IL1RAPL1: variants seen among roughly 807,000 people sequenced by gnomAD.
The protein encoded by IL1RAPL1 is interleukin-1 receptor accessory protein-like 1.
A neutral mutation model predicts 48.4 loss-of-function variants in IL1RAPL1; 3 were observed. The observed-to-expected ratio is 0.06, with a 90% confidence interval of 0.03 to 0.16. IL1RAPL1 has a LOEUF of 0.16. IL1RAPL1 is among the 10% of genes least tolerant of loss of function. The probability of loss-of-function intolerance (pLI) is 1.00; values close to 1 mark genes in which losing one functional copy is unlikely to be tolerated. For synonymous variants in IL1RAPL1, 185 were observed against 187.7 expected (o/e 0.99, Z 0.12); for missense variants, 349 against 530.6 (o/e 0.66, Z 3.36).
In IL1RAPL1 at chrX:29,298,631, G is replaced by C. The variant is rs141426635; in HGVS notation, c.362+15414G>C. 6.6e-4 allele frequency among the ~76,000 whole-genome samples: 74 copies of C among 111,526 alleles called. No individual in the cohort carries two copies. In the East Asian group the frequency reaches 0.017, roughly 26 times the overall value. On this transcript the variant is annotated intron_variant, in intron 3 of 10. Transcript: ENST00000378993. ...ACTTAGGGTGCCAAACAAAGGGATAGTCTAAAATATTACTTTGAAAACTCA... is the reference window on the plus strand; with the variant it reads ...ACTTAGGGTGCCAAACAAAGGGATACTCTAAAATATTACTTTGAAAACTCA...
At chrX:29,834,375 A>G (rs1364773868) in intron 6 of IL1RAPL1, among the ~76,000 whole-genome samples, 1 of 111,831 alleles carries the variant, frequency 8.9e-6, no homozygotes, top group East Asian at 2.8e-4. Context: ...GTGCAACAGC[A>G]CAGTTGACAC....
chrX:29,925,412 GTTTTTTTTTT>G (rs763481708), intron 8 of IL1RAPL1, among the ~76,000 whole-genome samples: 154 of 11,399 alleles, frequency 0.014, 1 homozygote, highest in African/African-American at 0.052. Flanking sequence ...TCCCGTAACT[GTTTTTTTTTT>G]TTTTTTTTTT....
At chrX:29,144,032 C>T (rs1929296921) in intron 2 of IL1RAPL1, among the ~76,000 whole-genome samples, 1 of 111,451 alleles carries the variant, frequency 9.0e-6, no homozygotes, top group African/African-American at 3.3e-5. Flanking sequence ...GGCACTTAAC[C>T]TTCATTGTGT....
intron 1 of IL1RAPL1, among the ~76,000 whole-genome samples, chrX:28,737,532 A>G (rs1935858419): frequency 9.0e-6 from 1 of 111,124 alleles, no homozygotes; most frequent in Admixed American, 9.7e-5. Context: ...TATTGGGATT[A>G]CAGGCATGAG....
intron 2 of IL1RAPL1, among the ~76,000 whole-genome samples, chrX:28,990,823 A>G (rs1925586058): frequency 8.9e-6 from 1 of 111,790 alleles, no homozygotes; most frequent in Non-Finnish European, 1.9e-5. Context: ...TACTGCTTTC[A>G]TATAAACTCT....
chrX:28,911,039 A>T (rs867544488), intron 2 of IL1RAPL1, among the ~76,000 whole-genome samples: 2 of 111,444 alleles, frequency 1.8e-5, no homozygotes, highest in South Asian at 3.7e-4. Context: ...TAGCAAAGAA[A>T]ATGCAAATAT....
At chrX:29,520,709 C>CTTA (rs201514662) in intron 5 of IL1RAPL1, among the ~76,000 whole-genome samples, 15 of 110,868 alleles carry the variant, frequency 1.4e-4, no homozygotes, top group South Asian at 3.8e-4. Flanking sequence ...TAACAAAAGG[C>CTTA]TTATTATTAT....
At chrX:29,425,890 G>A (rs1602229151) in intron 5 of IL1RAPL1, among the ~76,000 whole-genome samples, 1 of 111,459 alleles carries the variant, frequency 9.0e-6, no homozygotes, top group African/African-American at 3.3e-5. Flanking sequence ...TAGCTTTTAA[G>A]AGCAACCCTG....
chrX:29,799,695 C>T (rs1929829848), intron 6 of IL1RAPL1, among the ~76,000 whole-genome samples: 1 of 112,166 alleles, frequency 8.9e-6, no homozygotes, highest in African/African-American at 3.2e-5. Context: ...TAGTGGCTAC[C>T]ATAGTGGACA....
chrX:29,523,391 T>C (rs1221538588), intron 5 of IL1RAPL1, among the ~76,000 whole-genome samples: 1 of 111,789 alleles, frequency 8.9e-6, no homozygotes, highest in African/African-American at 3.2e-5. Flanking sequence ...CTGAAAAATA[T>C]ATGAGAAAGT....
At position 29,604,285 on chromosome X, in the gene IL1RAPL1, A is replaced by T. The variant is rs987146931; in HGVS notation, c.704-64145A>T. Reference sequence around the variant, plus strand: ...TGGGTGAGGATCAGGATCAATCTATATATGAAATATTAGCAAAACTTTGAA... The same window carrying T: ...TGGGTGAGGATCAGGATCAATCTATTTATGAAATATTAGCAAAACTTTGAA... On this transcript the variant is annotated intron_variant, in intron 5 of 10. Coordinates refer to ENST00000378993, the MANE Select transcript of IL1RAPL1 (RefSeq NM_014271.4). 5.4e-5 allele frequency among the ~76,000 whole-genome samples: 6 copies of T among 112,129 alleles called. No individual in the cohort carries two copies. In the Admixed American group the frequency reaches 5.7e-4, roughly 11 times the overall value.
intron 5 of IL1RAPL1, among the ~76,000 whole-genome samples, chrX:29,539,378 C>G (rs1921356391): frequency 9.0e-6 from 1 of 111,283 alleles, no homozygotes; most frequent in Non-Finnish European, 1.9e-5. Context: ...CGTTAAAAAC[C>G]CTCAAGAAAC....
chrX:28,706,634 G>A (rs1033550180), intron 1 of IL1RAPL1, among the ~76,000 whole-genome samples: 4 of 111,002 alleles, frequency 3.6e-5, no homozygotes, highest in African/African-American at 9.8e-5. Flanking sequence ...GGCTGGTCTC[G>A]GACTCCTGAC....
chrX:29,458,583 C>T (rs1001750420), intron 5 of IL1RAPL1, among the ~76,000 whole-genome samples: 7 of 111,827 alleles, frequency 6.3e-5, no homozygotes, highest in African/African-American at 9.8e-5. Flanking sequence ...TAAAAGTAAT[C>T]GCATAAAACT....
intron 2 of IL1RAPL1, among the ~76,000 whole-genome samples, chrX:29,012,918 A>G (rs1428454083): frequency 2.7e-5 from 3 of 111,828 alleles, no homozygotes; most frequent in Non-Finnish European, 5.6e-5. Flanking sequence ...ACAAGAGAAG[A>G]GCTTTCAATG....
intron 2 of IL1RAPL1, among the ~76,000 whole-genome samples, chrX:28,816,684 A>G (rs1303306818): frequency 1.8e-5 from 2 of 111,234 alleles, no homozygotes; most frequent in South Asian, 3.8e-4. Flanking sequence ...GCTATAATGA[A>G]TAGTGCTGCA....
intron 1 of IL1RAPL1, among the ~76,000 whole-genome samples, chrX:28,670,191 C>CTGTGTGTG (rs745583846): frequency 8.9e-6 from 1 of 111,819 alleles, no homozygotes; most frequent in East Asian, 2.8e-4. Context: ...AAAGACAAGA[C>CTGTGTGTG]TGTGTCTTAA....
At chrX:29,771,909 G>C (rs1050944382) in intron 6 of IL1RAPL1, among the ~76,000 whole-genome samples, 20 of 111,282 alleles carry the variant, frequency 1.8e-4, no homozygotes, top group African/African-American at 6.5e-4. Context: ...GCAAGAGGAC[G>C]TCTTACATGG....
At chrX:29,032,820 G>C (rs887653836) in intron 2 of IL1RAPL1, among the ~76,000 whole-genome samples, 1 of 112,285 alleles carries the variant, frequency 8.9e-6, no homozygotes, top group Non-Finnish European at 1.9e-5. Flanking sequence ...TTTGAATTGC[G>C]GGTCTGCCAC....
Sources: allele counts gnomAD v4.1 joint callset (sites outside exome capture counted in the v4.1 genomes callset), GRCh38; gene constraint gnomAD v4.1.1; transcripts MANE v1.5; gene names NCBI Gene and HGNC (gene_info 2026-07-23, HGNC 2026-07-21).